The following LARGE1 variants were observed in gnomAD, a reference collection of about 807,000 sequenced individuals.
LARGE1 encodes LARGE xylosyl- and glucuronyltransferase 1, also known as xylosyl- and glucuronyltransferase LARGE1.
In LARGE1, 43 loss-of-function variants were observed where a neutral mutation model predicts 87.6. The observed-to-expected ratio is 0.49, with a 90% CI of 0.38 to 0.63. The LOEUF (loss-of-function observed/expected upper bound fraction) is 0.63, where lower values mean the gene tolerates loss of function less well. Among genes scored for constraint, LARGE1 ranks in the 30% least tolerant of loss-of-function variants. The pLI, the probability that LARGE1 is intolerant of heterozygous loss-of-function variation, is 0.00. For synonymous variants in LARGE1, 434 were observed against 394.6 expected (o/e 1.10, Z -1.18); for missense variants, 802 against 1,000.2 (o/e 0.80, Z 2.67).
chr22:33,756,506 A>C (rs2084518300), intron 2 of LARGE1, among the ~76,000 whole-genome samples: 1 of 152,204 alleles, frequency 6.6e-6, no homozygotes. Context: ...GCTGAGACCC[A>C]AGGATCTAGG....
At chr22:33,773,744 G>A (rs1272437757) in intron 1 of LARGE1, among the ~76,000 whole-genome samples, 4 of 152,134 alleles carry the variant, frequency 2.6e-5, no homozygotes, top group South Asian at 2.1e-4. Flanking sequence ...GGAGCCTCCC[G>A]TCATTTTTCT....
At chr22:33,684,260 C>A (rs1383768495) in intron 2 of LARGE1, among the ~76,000 whole-genome samples, 1 of 152,056 alleles carries the variant, frequency 6.6e-6, no homozygotes, top group East Asian at 1.9e-4. Flanking sequence ...TCTGACCTTG[C>A]TCCCCACCAC....
At chr22:33,638,075 A>G (rs1419781618) in intron 3 of LARGE1, among the ~76,000 whole-genome samples, 1 of 152,180 alleles carries the variant, frequency 6.6e-6, no homozygotes, top group East Asian at 1.9e-4. Flanking sequence ...AAGAAGCCCC[A>G]AAGAAGGCCT....
At chr22:33,341,699 A>G (rs150943542) in intron 9 of LARGE1, among the ~76,000 whole-genome samples, 138 of 152,356 alleles carry the variant, frequency 9.1e-4, no homozygotes, top group African/African-American at 3.2e-3. Flanking sequence ...ACCTCAGACC[A>G]GCCGAGGTCT....
At chr22:33,713,916 G>C (rs1430232756) in intron 2 of LARGE1, among the ~76,000 whole-genome samples, 1 of 152,056 alleles carries the variant, frequency 6.6e-6, no homozygotes, top group Non-Finnish European at 1.5e-5. Context: ...GGATGGTGCT[G>C]CTGCACTCCA....
chr22:33,418,425 C>A (rs1286854253), intron 7 of LARGE1, among the ~76,000 whole-genome samples: 1 of 152,164 alleles, frequency 6.6e-6, no homozygotes, highest in African/African-American at 2.4e-5. Flanking sequence ...GTGGGGGATT[C>A]TGCCTACTGT....
chr22:33,315,896 A>G (rs1485302890), intron 11 of LARGE1, among the ~76,000 whole-genome samples, 189 bp downstream of exon 11: 1 of 152,054 alleles, frequency 6.6e-6, no homozygotes, highest in Non-Finnish European at 1.5e-5. Context: ...CCAAAGTGCT[A>G]GGATTACAGG....
At chr22:33,221,004 GGGAAGATTCCTGTGGGACCCCCACA>G (rs1303956680) in intron 11 of LARGE1, among the ~76,000 whole-genome samples, 1 of 152,106 alleles carries the variant, frequency 6.6e-6, no homozygotes, top group Non-Finnish European at 1.5e-5. Flanking sequence ...TGGAAGGTCA[GGGAAGATTCCTGTGGGACCCCCACA>G]GGAAGATTCC....
chr22:33,445,862 C>T (rs181349117), intron 6 of LARGE1, among the ~76,000 whole-genome samples: 1 of 152,068 alleles, frequency 6.6e-6, no homozygotes, highest in East Asian at 1.9e-4. Flanking sequence ...ATTGGCCAGG[C>T]TGGTCTCGAA....
At chr22:33,078,125 C>G in the LARGE1 span, among the ~76,000 whole-genome samples, 8 of 152,128 alleles carry the variant, frequency 5.3e-5, no homozygotes, top group Non-Finnish European at 8.8e-5. Flanking sequence ...CTAGTTTTGA[C>G]TGCTTTGCCT....
chr22:33,897,675 G>A (rs1419939876), intron 1 of LARGE1, among the ~76,000 whole-genome samples: 1 of 152,152 alleles, frequency 6.6e-6, no homozygotes, highest in East Asian at 1.9e-4. Flanking sequence ...CTGCAAACAG[G>A]CCATTATCAA....
intron 7 of LARGE1, among the ~76,000 whole-genome samples, chr22:33,385,527 CAAAAAAAAAAAAAA>C (rs75780176): frequency 2.1e-4 from 4 of 19,442 alleles, no homozygotes; most frequent in East Asian, 2.5e-3. Flanking sequence ...GACACCGTCT[CAAAAAAAAAAAAAA>C]AAAAAAAAAA....
chr22:33,896,595 C>T (rs1178631088), intron 1 of LARGE1, among the ~76,000 whole-genome samples: 2 of 152,160 alleles, frequency 1.3e-5, no homozygotes, highest in African/African-American at 4.8e-5. Context: ...GAGCAACGTC[C>T]TATTGTTAGC....
intron 5 of LARGE1, among the ~76,000 whole-genome samples, chr22:33,576,600 A>C (rs1290397641): frequency 6.6e-6 from 1 of 152,080 alleles, no homozygotes; most frequent in East Asian, 1.9e-4. Flanking sequence ...TATGTATGTG[A>C]ATATGCTCAT....
intron 1 of LARGE1, among the ~76,000 whole-genome samples, chr22:33,766,600 T>A (rs893200678): frequency 6.6e-6 from 1 of 151,938 alleles, no homozygotes; most frequent in Non-Finnish European, 1.5e-5. Flanking sequence ...ATTTTTTGTA[T>A]TTTTAGTAGA....
At chr22:33,909,413 G>A (rs1461149440) in intron 1 of LARGE1, among the ~76,000 whole-genome samples, 1 of 151,882 alleles carries the variant, frequency 6.6e-6, no homozygotes, top group Non-Finnish European at 1.5e-5. Context: ...CAGGCACGAT[G>A]CAGGTGCACC....
chr22:33,839,208 G>C (rs541524951), intron 1 of LARGE1, among the ~76,000 whole-genome samples: 1 of 152,324 alleles, frequency 6.6e-6, no homozygotes, highest in African/African-American at 2.4e-5. Context: ...TACAATCATG[G>C]TGGGAGGTAA....
chr22:33,582,747 C>T (rs971290532), intron 5 of LARGE1, among the ~76,000 whole-genome samples: 10 of 152,218 alleles, frequency 6.6e-5, no homozygotes, highest in African/African-American at 2.4e-4. Context: ...CTCAGCATTC[C>T]CCTGAATACT....
intron 9 of LARGE1, among the ~76,000 whole-genome samples, chr22:33,349,866 T>A (rs193189155): frequency 1.3e-4 from 19 of 151,876 alleles, no homozygotes; most frequent in Admixed American, 9.8e-4. Context: ...AAAAGAAAAA[T>A]TTCTTCCCAG....
Sources: allele counts gnomAD v4.1 joint callset (sites outside exome capture counted in the v4.1 genomes callset), GRCh38; gene constraint gnomAD v4.1.1; transcripts MANE v1.5; gene names NCBI Gene and HGNC (gene_info 2026-07-23, HGNC 2026-07-21).